Variants in CDK6 observed in about 807,000 individuals in gnomAD.
CDK6 encodes cyclin-dependent kinase 6.
In CDK6, 6 loss-of-function variants were observed where a neutral mutation model predicts 37.1. The ratio of observed to expected loss-of-function variants is 0.16; its 90% CI spans 0.09 to 0.32. CDK6 has a LOEUF of 0.32. Among genes scored for constraint, CDK6 ranks in the 10% least tolerant of loss-of-function variants. The pLI is 1.00. For missense variants in CDK6, 224 were observed against 418.9 expected, an observed-to-expected ratio of 0.53 and a Z score of 4.06; for synonymous variants, 160 against 161.3, an observed-to-expected ratio of 0.99 and a Z score of 0.06.
chr7:92,618,007 C>A, intron 7 of CDK6, 65 bp downstream of exon 7: 1 of 1,551,856 alleles, frequency 6.4e-7, no homozygotes, highest in Non-Finnish European at 8.8e-7. Flanking sequence ...GCCCACCACC[C>A]AGTCTGGGTA....
rs561458499 is a variant in CDK6 at position 92,723,150 on chromosome 7, T to C, written c.537+2476A>G. Among the ~76,000 whole-genome samples the C allele has an allele frequency of 1.7e-3, 257 of 152,246 alleles. 3 individuals carry two copies. Among genetic ancestry groups the C allele is most frequent in the Non-Finnish European group, 1.9e-3 (128 of 68,022 alleles). On this transcript the variant is annotated intron_variant, in intron 4 of 7. Transcript: ENST00000424848. The stretch of plus-strand genomic sequence containing the variant: ...GAGATAGGGCCACTGCCCTCCAGCC[T>C]GGGCAACAGAGTGAAACTCTGTCTC...
intron 5 of CDK6, among the ~76,000 whole-genome samples, chr7:92,656,067 T>C (rs568724048): frequency 6.6e-6 from 1 of 151,030 alleles, no homozygotes; most frequent in Non-Finnish European, 1.5e-5. Context: ...ATATTTCCTA[T>C]GGTTAAAGTG....
chr7:92,777,278 G>C (rs1017632836), intron 2 of CDK6, among the ~76,000 whole-genome samples: 2 of 151,998 alleles, frequency 1.3e-5, no homozygotes, highest in Non-Finnish European at 2.9e-5. Context: ...TTGTTGCCCA[G>C]GCTGGAGTGC....
intron 4 of CDK6, among the ~76,000 whole-genome samples, chr7:92,694,522 A>C (rs560801157): frequency 6.6e-6 from 1 of 152,350 alleles, no homozygotes; most frequent in East Asian, 1.9e-4. Context: ...GATTCCATAA[A>C]GCAAAATTGG....
Position 92,725,619 on chromosome 7 carries a change from C to G in CDK6, c.537+7G>C, listed in dbSNP as rs780189099. 1 of 1,609,382 alleles carries G rather than the reference C, an allele frequency of 6.2e-7. No homozygotes were observed. Among genetic ancestry groups the G allele is most frequent in the Admixed American group, 1.7e-5 (1 of 58,996 alleles). On this transcript the variant is annotated splice_region_variant and intron_variant, in intron 4 of 7. Coordinates refer to ENST00000424848, the MANE Select transcript of CDK6 (RefSeq NM_001145306.2). The stretch of plus-strand genomic sequence containing the variant: ...GTTTAATAAAAGGACAGCACTCTCT[C>G]ACTCACCACTGAGGTTAGAGCCATC...
At chr7:92,826,353 C>T (rs139064028) in intron 2 of CDK6, among the ~76,000 whole-genome samples, 10 of 152,134 alleles carry the variant, frequency 6.6e-5, no homozygotes, top group African/African-American at 2.4e-4. Context: ...TCCAAAGTTA[C>T]CAGGACTCAA....
intron 3 of CDK6, among the ~76,000 whole-genome samples, chr7:92,730,997 C>A (rs966925603): frequency 6.6e-6 from 1 of 152,148 alleles, no homozygotes; most frequent in Non-Finnish European, 1.5e-5. Context: ...GAAATAGTGA[C>A]TAACAGCATC....
In CDK6 at chr7:92,643,704, A is replaced by G. The variant is rs555282717; in HGVS notation, c.648-20618T>C. ...TTTATGACTTGGGTTCTGTTAAACA[A>G]GTCAACCACGATTTTTAATCCATGT... On this transcript the variant is annotated intron_variant, in intron 5 of 7. Transcript: ENST00000424848. Among the ~76,000 whole-genome samples, 6 of 152,342 alleles carry G rather than the reference A, an allele frequency of 3.9e-5. No individual in the cohort carries two copies. The South Asian group carries it at 6.2e-4, about 16-fold the overall frequency.
chr7:92,752,450 C>T (rs550737552), intron 3 of CDK6, among the ~76,000 whole-genome samples: 1 of 152,230 alleles, frequency 6.6e-6, no homozygotes, highest in South Asian at 2.1e-4. Flanking sequence ...GTCATTAGGA[C>T]CACAAGTGAA....
At chr7:92,671,931 A>G (rs1347233842) in intron 4 of CDK6, among the ~76,000 whole-genome samples, 1 of 151,614 alleles carries the variant, frequency 6.6e-6, no homozygotes, top group East Asian at 1.9e-4. Context: ...TTATTGGCAG[A>G]TTAGAAGATG....
intron 2 of CDK6, among the ~76,000 whole-genome samples, chr7:92,814,222 T>TTA (rs1034715345): frequency 6.6e-6 from 1 of 152,148 alleles, no homozygotes; most frequent in African/African-American, 2.4e-5. Context: ...GACAATGAAT[T>TTA]TATATAGCCA....
intron 4 of CDK6, chr7:92,725,368 C>CT (rs1798486799): frequency 1.0e-6 from 1 of 965,572 alleles, no homozygotes; most frequent in Non-Finnish European, 1.2e-6. Flanking sequence ...AAACTTGTAA[C>CT]TGATTCCTGT....
At chr7:92,807,960 T>A (rs912437235) in intron 2 of CDK6, among the ~76,000 whole-genome samples, 1 of 152,232 alleles carries the variant, frequency 6.6e-6, no homozygotes, top group African/African-American at 2.4e-5. Flanking sequence ...AAGTGTATTT[T>A]ATCACATTCT....
intron 5 of CDK6, among the ~76,000 whole-genome samples, chr7:92,626,608 G>A (rs995471568): frequency 3.9e-5 from 6 of 152,150 alleles, no homozygotes; most frequent in African/African-American, 1.4e-4. Context: ...CAATAAGAAG[G>A]GATGGAAACC....
chr7:92,634,574 C>T (rs914785496), intron 5 of CDK6, among the ~76,000 whole-genome samples: 6 of 152,090 alleles, frequency 3.9e-5, no homozygotes, highest in Non-Finnish European at 8.8e-5. Flanking sequence ...ACTGGAGTTG[C>T]ATAAACCTAT....
intron 2 of CDK6, among the ~76,000 whole-genome samples, chr7:92,832,404 AAAG>A (rs1801511715): frequency 6.6e-6 from 1 of 152,208 alleles, no homozygotes; most frequent in African/African-American, 2.4e-5. Context: ...GAATTAGTCT[AAAG>A]AGTATGTCCG....
At chr7:92,686,013 T>C (rs1797443236) in intron 4 of CDK6, among the ~76,000 whole-genome samples, 1 of 152,202 alleles carries the variant, frequency 6.6e-6, no homozygotes, top group Admixed American at 6.5e-5. Context: ...GAATGTGGTG[T>C]TGCCCATTTC....
At chr7:92,630,604 G>T (rs906987908) in intron 5 of CDK6, among the ~76,000 whole-genome samples, 4 of 152,126 alleles carry the variant, frequency 2.6e-5, no homozygotes, top group Non-Finnish European at 5.9e-5. Flanking sequence ...TTGGAGGCAA[G>T]TCAAGGATAT....
intron 4 of CDK6, among the ~76,000 whole-genome samples, chr7:92,688,092 T>G (rs547845094): frequency 9.0e-4 from 137 of 152,312 alleles, no homozygotes; most frequent in Middle Eastern, 3.4e-3. Context: ...TGAACATTTT[T>G]GTACATGTCT....
Sources: allele counts gnomAD v4.1 joint callset (sites outside exome capture counted in the v4.1 genomes callset), GRCh38; gene constraint gnomAD v4.1.1; transcripts MANE v1.5; gene names NCBI Gene and HGNC (gene_info 2026-07-23, HGNC 2026-07-21).